NEB: variants seen among roughly 807,000 people sequenced by gnomAD.
NEB encodes the protein nebulin.
NEB carries 512 observed loss-of-function variants against 952.2 expected under a neutral mutation model. The observed-to-expected ratio is 0.54, with a 90% confidence interval of 0.50 to 0.58. The LOEUF is 0.58. Among genes scored for constraint, NEB ranks in the 20% least tolerant of loss-of-function variants. The pLI, the probability that NEB is intolerant of heterozygous loss-of-function variation, is 0.00. For synonymous variants in NEB, 2,900 were observed against 3,149.8 expected, an observed-to-expected ratio of 0.92 and a Z score of 2.66; for missense variants, 8,428 against 9,231.1, an observed-to-expected ratio of 0.91 and a Z score of 3.56.
At chr2:151,498,057 A>AAAAC in intron 170 of NEB, 4 of 1,452,660 alleles carry the variant, frequency 2.8e-6, no homozygotes, top group Non-Finnish European at 3.6e-6. Context: ...CATTATTTTT[A>AAAAC]AAACATGTTT....
At position 151,639,810 on chromosome 2, in the gene NEB, A is replaced by T. The variant is rs1486968735; in HGVS notation, c.8889+47T>A. 1.6e-5 allele frequency: 23 copies of T among 1,472,898 alleles called. No individual in the cohort carries two copies. The Admixed American group carries it at 1.9e-4, about 12-fold the overall frequency. 91.2% of individuals were successfully genotyped at this position (1,472,898 alleles called of 1,614,324 possible). ...CCTCATTAATGTTTCTTTTTTGTTG[A>T]TTCAGCTTTAGGAGCCCCACTTCGA... On this transcript the variant is annotated intron_variant, in intron 62 of 181. Transcript: ENST00000397345.
chr2:151,631,212 C>T lies in NEB; in HGVS notation c.9549G>A (p.Leu3183=), dbSNP rs887347129. 3 of 1,613,928 alleles carry T rather than the reference C, an allele frequency of 1.9e-6. No homozygotes were observed. Among genetic ancestry groups the T allele is most frequent in the Non-Finnish European group, 2.5e-6 (3 of 1,179,870 alleles). The change falls in exon 66 of 182, where the codon CTG becomes CTA. Residue 3183 remains leucine, a synonymous_variant. Transcript: ENST00000397345. The part of the protein sequence containing the change: ...DNIYRQPPDK[L]KFTSVTDSLE... ...GAGAATCAGTCACACTGGTAAATTT[C>T]AGCTTGTCCGGAGGCTGGCGGTAGA...
Position 151,643,356 on chromosome 2 carries a change from G to A in NEB, c.7957-3C>T, listed in dbSNP as rs1263086584. On this transcript the variant is annotated splice_region_variant and splice_polypyrimidine_tract_variant and intron_variant, in intron 57 of 181. Coordinates refer to ENST00000397345, the MANE Select transcript of NEB (RefSeq NM_001164508.2). ...TGAAGGTCTGACTTGTACAAATTCTGAAAGTGCAAGTGACAAATTTGTCAT... is the reference window on the plus strand; with the variant it reads ...TGAAGGTCTGACTTGTACAAATTCTAAAAGTGCAAGTGACAAATTTGTCAT... The A allele has an allele frequency of 1.3e-6, 2 of 1,595,184 alleles. No individual in the cohort carries two copies. Among genetic ancestry groups the A allele is most frequent in the Non-Finnish European group, 1.7e-6 (2 of 1,167,602 alleles).
intron 169 of NEB, 122 bp downstream of exon 169, chr2:151,499,176 A>G: frequency 1.9e-6 from 1 of 531,714 alleles, no homozygotes; most frequent in Non-Finnish European, 3.3e-6. Flanking sequence ...GGCAGCATTA[A>G]GTTGGGAAAA....
intron 39 of NEB, among the ~76,000 whole-genome samples, chr2:151,668,431 T>A (rs933162163): frequency 6.6e-6 from 1 of 152,174 alleles, no homozygotes; most frequent in African/African-American, 2.4e-5. Flanking sequence ...TAGTTGGATA[T>A]GAAACAGAGC....
chr2:151,632,943 T>C (rs116694552), intron 65 of NEB, among the ~76,000 whole-genome samples: 429 of 152,340 alleles, frequency 2.8e-3, no homozygotes, highest in African/African-American at 9.5e-3. Flanking sequence ...GTTCTGTATG[T>C]CAGAAGCTAC....
intron 13 of NEB, among the ~76,000 whole-genome samples, chr2:151,704,328 GC>G (rs1289929027): frequency 2.2e-5 from 3 of 136,926 alleles, no homozygotes; most frequent in Admixed American, 7.4e-5. Context: ...TCTGTGCCCT[GC>G]CCCCAGAGGT....
chr2:151,605,290 T>C lies in NEB; in HGVS notation c.12748-419A>G. 1.5e-5 allele frequency among the ~76,000 whole-genome samples: 2 copies of C among 130,222 alleles called. 1 individual carries two copies. The highest frequency in any genetic ancestry group is 3.5e-5 in the Non-Finnish European group (2 of 56,936). The allele number at this position is 130,222 out of a possible 152,430, so 85.4% of individuals were successfully genotyped here. A position where few individuals can be genotyped will look rare whatever the true frequency, so the allele number is the denominator to read the frequency against. Reference sequence around the variant, plus strand: ...TATGAGGTAGATACTATTATTAACATATATTCCAGATGGGGAAAACAAGGC... The same window carrying C: ...TATGAGGTAGATACTATTATTAACACATATTCCAGATGGGGAAAACAAGGC... On this transcript the variant is annotated intron_variant, in intron 84 of 181. Transcript: ENST00000397345.
In NEB at chr2:151,545,911, C is replaced by A. The variant is rs777819332; in HGVS notation, c.20554G>T (p.Glu6852Ter). ...ACCTCACTCAGATGTGTCTTCAGTT[C>A]TTGCACTTTTCTGTATTCTGGAGTG... ...LDTPEYRKVQ[E>*]LKTHLSELVY... The change falls in exon 135 of 182, where the codon GAA (glutamate) becomes TAA (stop). Residue 6852 changes from glutamate (E) to a stop codon, truncating the protein, a stop_gained. Transcript: ENST00000397345. LOFTEE classifies it high-confidence loss of function. 6.2e-7 allele frequency: 1 copy of A among 1,606,438 alleles called. No individual in the cohort carries two copies. Among genetic ancestry groups the A allele is most frequent in the Non-Finnish European group, 8.5e-7 (1 of 1,175,938 alleles).
At chr2:151,524,664 T>G (rs746940820) in intron 151 of NEB, 48 bp from the exon 152 acceptor site, 1 of 1,367,730 alleles carries the variant, frequency 7.3e-7, no homozygotes, top group South Asian at 1.3e-5. Flanking sequence ...CTTTTTTTTT[T>G]TTTTTTTTTT....
In NEB at chr2:151,697,381, T is replaced by A. The variant is rs541737756; in HGVS notation, c.1334A>T (p.His445Leu). 1 of 1,613,978 alleles carries A rather than the reference T, an allele frequency of 6.2e-7. No individual in the cohort carries two copies. Among genetic ancestry groups the A allele is most frequent in the Non-Finnish European group, 8.5e-7 (1 of 1,179,852 alleles). The change falls in exon 15 of 182, where the codon CAC (histidine) becomes CTC (leucine). Residue 445 changes from histidine (H) to leucine (L), a missense_variant. His to Leu is a moderately conservative substitution (Grantham distance 99). Coordinates refer to ENST00000397345, the MANE Select transcript of NEB (RefSeq NM_001164508.2). ...VGSFEDPYHS[H>L]CMKVTAQNSD... ...GTTTTGAGCTGTGACTTTCATGCAG[T>A]GTGAATGGTATGGATCCTCGAAGCT...
intron 92 of NEB, among the ~76,000 whole-genome samples, chr2:151,595,264 T>A (rs1405238994): frequency 1.4e-5 from 2 of 145,490 alleles, no homozygotes. Flanking sequence ...TTTTATTTTT[T>A]TTTGAAACGC....
chr2:151,538,897 T>G (rs1206841668), intron 138 of NEB, among the ~76,000 whole-genome samples: 1 of 152,230 alleles, frequency 6.6e-6, no homozygotes, highest in Admixed American at 6.5e-5. Flanking sequence ...CAACCTATTT[T>G]CAACGTCAAA....
chr2:151,522,204 T>C (rs1043400507), intron 153 of NEB, among the ~76,000 whole-genome samples: 9 of 152,222 alleles, frequency 5.9e-5, no homozygotes, highest in Admixed American at 5.2e-4. Flanking sequence ...TCTAATTTTT[T>C]AGCTCCTTTT....
At chr2:151,613,583 C>A (rs2098091742) in intron 77 of NEB, among the ~76,000 whole-genome samples, 1 of 152,132 alleles carries the variant, frequency 6.6e-6, no homozygotes, top group Non-Finnish European at 1.5e-5. Context: ...CTTTTTATGT[C>A]CTATTATAGT....
Position 151,562,191 on chromosome 2 carries a change from A to G in NEB, c.18915T>C (p.Asn6305=), listed in dbSNP as rs1436289680. 1.9e-6 allele frequency: 3 copies of G among 1,613,106 alleles called. No homozygotes were observed. The highest frequency in any genetic ancestry group is 1.7e-6 in the Non-Finnish European group (2 of 1,179,136). ...CGTAGCAACCAATGCCTTTCAACCA[A>G]TTCAGGTCATCTTTATACACATTCT... is the stretch of plus-strand genomic sequence containing the variant. ...LSDNVYKDDL[N]WLKGIGCYVW... Residue 6305 remains asparagine, a synonymous_variant, in exon 121 of 182, where the codon AAT becomes AAC. Coordinates refer to ENST00000397345, the MANE Select transcript of NEB (RefSeq NM_001164508.2).
rs1158693682 is a variant in NEB, at chr2:151,620,906, G to C, written c.10560+13C>G. The stretch of plus-strand genomic sequence containing the variant: ...ATGATGGTAAGAAATGTTAGGACTT[G>C]ATCAGCTCTTACATCACTGGCAATA... On this transcript the variant is annotated intron_variant, in intron 72 of 181. Coordinates refer to ENST00000397345, the MANE Select transcript of NEB (RefSeq NM_001164508.2). 6.3e-7 allele frequency: 1 copy of C among 1,586,160 alleles called. No individual in the cohort carries two copies. Among genetic ancestry groups the C allele is most frequent in the Non-Finnish European group, 8.6e-7 (1 of 1,159,096 alleles).
rs1358641085 is a variant in NEB, at chr2:151,673,068, T to G, written c.3988-388A>C. ...ACATCACAAATATGAGTACCAGCTA[T>G]AGGATAGCTGGGCCTTCACTGACTC... On this transcript the variant is annotated intron_variant, in intron 36 of 181. Coordinates refer to ENST00000397345, the MANE Select transcript of NEB (RefSeq NM_001164508.2). Among the ~76,000 whole-genome samples, 4 of 152,196 alleles carry G rather than the reference T, an allele frequency of 2.6e-5. No homozygotes were observed. In the East Asian group the frequency reaches 5.8e-4, roughly 22 times the overall value.
chr2:151,624,577 G>A lies in NEB; in HGVS notation c.10452+957C>T, dbSNP rs1286101066. ...GGTCTGTTTTATAATGCTGGAGAAA[G>A]TGAAATCATACCCTCTCCATTTTTT... is the stretch of plus-strand genomic sequence containing the variant. On this transcript the variant is annotated intron_variant, in intron 71 of 181. Coordinates refer to ENST00000397345, the MANE Select transcript of NEB (RefSeq NM_001164508.2). Among the ~76,000 whole-genome samples the A allele has an allele frequency of 2.6e-5, 4 of 152,234 alleles. 1 individual carries two copies. The East Asian group carries it at 7.7e-4, about 29-fold the overall frequency.
Sources: gnomAD v4.1 joint callset for allele counts (sites outside exome capture counted in the v4.1 genomes callset) on GRCh38, gnomAD v4.1.1 for gene constraint, MANE v1.5 for transcripts, NCBI Gene and HGNC (gene_info 2026-07-23, HGNC 2026-07-21) for gene names.